PANK2: variants seen among roughly 807,000 people sequenced by gnomAD.
The protein encoded by PANK2 is pantothenate kinase 2.
A neutral mutation model predicts 43.1 loss-of-function variants in PANK2; 36 were observed. The observed-to-expected ratio is 0.84, with a 90% CI of 0.64 to 1.10. The LOEUF (loss-of-function observed/expected upper bound fraction) is 1.10, where lower values mean the gene tolerates loss of function less well. PANK2 is among the 50% of genes least tolerant of loss of function. The pLI is 0.00. For missense variants in PANK2, 576 were observed against 593.3 expected, an observed-to-expected ratio of 0.97 and a Z score of 0.30; for synonymous variants, 281 against 238.2, an observed-to-expected ratio of 1.18 and a Z score of -1.66.
chr20:3,897,992 G>A (rs2090237369), intron 1 of PANK2, among the ~76,000 whole-genome samples: 1 of 149,358 alleles, frequency 6.7e-6, no homozygotes, highest in Admixed American at 6.7e-5. Context: ...GCAACAGAGC[G>A]AGACTCCATC....
At position 3,908,218 on chromosome 20, in the gene PANK2, C is replaced by T; in HGVS notation, c.591C>T (p.Leu197=). The T allele has an allele frequency of 6.2e-7, 1 of 1,613,446 alleles. No individual in the cohort carries two copies. The highest frequency in any genetic ancestry group is 1.1e-5 in the South Asian group (1 of 91,080). Residue 197 remains leucine (L), a synonymous_variant, in exon 2 of 7, where the codon CTC becomes CTT. Coordinates refer to ENST00000610179, the MANE Select transcript of PANK2 (RefSeq NM_001386393.1). ...GCAGAGATAAAAACTTCTCGAGTCT[C>T]CACACTGTCTTTTGTGCCACTGGAG...
At chr20:3,896,649 A>G (rs1243078824) in intron 1 of PANK2, among the ~76,000 whole-genome samples, 1 of 151,982 alleles carries the variant, frequency 6.6e-6, no homozygotes, top group Non-Finnish European at 1.5e-5. Context: ...GTGGACAGTG[A>G]TTTAATCAAT....
intron 1 of PANK2, among the ~76,000 whole-genome samples, chr20:3,893,537 C>T (rs1482649932): frequency 6.6e-6 from 1 of 151,960 alleles, no homozygotes; most frequent in Non-Finnish European, 1.5e-5. Flanking sequence ...GTGTGGAAGC[C>T]CTGTGATCAG....
Position 3,916,914 on chromosome 20 carries a change from T to C in PANK2, c.1083-13T>C, listed in dbSNP as rs750671044. On this transcript the variant is annotated splice_polypyrimidine_tract_variant and intron_variant, in intron 4 of 6. Transcript: ENST00000610179. ...GTTGGTTTAGCAATGGGATTTTTTT[T>C]CCCCCATCACAGCTTTGGAAACATG... 2.2e-5 allele frequency: 35 copies of C among 1,609,550 alleles called. No homozygotes were observed. Among genetic ancestry groups the C allele is most frequent in the East Asian group, 6.7e-5 (3 of 44,876 alleles).
intron 5 of PANK2, among the ~76,000 whole-genome samples, chr20:3,917,278 A>AG (rs950021760): frequency 6.6e-6 from 1 of 151,758 alleles, no homozygotes; most frequent in African/African-American, 2.4e-5. Context: ...TCTTTTGAGG[A>AG]GAAAGTAGAG....
At chr20:3,917,990 C>T (rs2090589268) in intron 5 of PANK2, among the ~76,000 whole-genome samples, 1 of 152,160 alleles carries the variant, frequency 6.6e-6, no homozygotes, top group African/African-American at 2.4e-5. Context: ...GTTGCTTGCT[C>T]ATAACTCGGC....
chr20:3,908,366 C>T, intron 2 of PANK2, 88 bp downstream of exon 2: 1 of 1,218,834 alleles, frequency 8.2e-7, no homozygotes, highest in East Asian at 2.5e-5. Flanking sequence ...ATTTCCATCT[C>T]TAATGGAACT....
At chr20:3,916,504 T>A (rs2090562160) in intron 4 of PANK2, among the ~76,000 whole-genome samples, 1 of 152,206 alleles carries the variant, frequency 6.6e-6, no homozygotes, top group South Asian at 2.1e-4. Context: ...CTCAGCTGTC[T>A]GTGCTTTACT....
chr20:3,888,966 C>G, upstream of PANK2: 26 of 698,744 alleles, frequency 3.7e-5, no homozygotes, highest in Admixed American at 1.2e-4. Flanking sequence ...TGCGGGAGCA[C>G]TGCTGGGCTG....
At chr20:3,913,299 C>G (rs1230270333) in intron 4 of PANK2, among the ~76,000 whole-genome samples, 1 of 152,176 alleles carries the variant, frequency 6.6e-6, no homozygotes, top group African/African-American at 2.4e-5. Context: ...TTCAAACATT[C>G]ACATTACAGT....
intron 4 of PANK2, among the ~76,000 whole-genome samples, chr20:3,914,011 G>A (rs550662941): frequency 6.0e-5 from 9 of 151,196 alleles, no homozygotes; most frequent in East Asian, 2.0e-4. Context: ...GGATGGTCTC[G>A]ATCTGCTGAC....
rs1354328673 is a variant in PANK2 at position 3,925,479 on chromosome 20, C to G, written c.*2185C>G. 1 of 152,352 alleles carries G rather than the reference C, an allele frequency of 6.6e-6. No homozygotes were observed. The highest frequency in any genetic ancestry group is 2.4e-5 in the African/African-American group (1 of 41,462). The allele number at this position is 152,352 out of a possible 1,614,324, so 9.4% of individuals were successfully genotyped here. A position where few individuals can be genotyped will look rare whatever the true frequency, so the allele number is the denominator to read the frequency against. On this transcript the variant is annotated 3_prime_UTR_variant, in exon 7 of 7. Coordinates refer to ENST00000610179, the MANE Select transcript of PANK2 (RefSeq NM_001386393.1). ...GAACTCCAGACCCCAGGTGATCCGC[C>G]TGCCTTGGCCTCCCAAAGTGCTGGG...
At chr20:3,914,599 G>C (rs1438122856) in intron 4 of PANK2, among the ~76,000 whole-genome samples, 1 of 148,340 alleles carries the variant, frequency 6.7e-6, no homozygotes. Context: ...ACTCCTGGCT[G>C]AACATTTTTT....
intron 1 of PANK2, among the ~76,000 whole-genome samples, chr20:3,906,144 G>C (rs1269780832): frequency 6.6e-6 from 1 of 152,098 alleles, no homozygotes; most frequent in Admixed American, 6.6e-5. Flanking sequence ...TGTAAATCAG[G>C]CTGGGCGCAG....
intron 1 of PANK2, among the ~76,000 whole-genome samples, chr20:3,899,119 C>T (rs2090257381): frequency 1.3e-5 from 2 of 151,454 alleles, no homozygotes. Context: ...CGTGATCCAC[C>T]TGCCTCGGCC....
chr20:3,894,213 G>A (rs1209626706), intron 1 of PANK2, among the ~76,000 whole-genome samples: 2 of 151,328 alleles, frequency 1.3e-5, no homozygotes, highest in African/African-American at 2.4e-5. Context: ...TTACAGGTGT[G>A]AGCCACCGTG....
Position 3,923,404 on chromosome 20 carries a change from G to A in PANK2, c.*110G>A, listed in dbSNP as rs1409025295. Reference sequence around the variant, plus strand: ...GACTGTACTACCTGAAACAAAGTGAGAAAGGACAGGTGTATTTTTCTAAGT... The same window carrying A: ...GACTGTACTACCTGAAACAAAGTGAAAAAGGACAGGTGTATTTTTCTAAGT... On this transcript the variant is annotated 3_prime_UTR_variant, in exon 7 of 7. Coordinates refer to ENST00000610179, the MANE Select transcript of PANK2 (RefSeq NM_001386393.1). 8.8e-7 allele frequency: 1 copy of A among 1,140,486 alleles called. No homozygotes were observed. The highest frequency in any genetic ancestry group is 1.3e-6 in the Non-Finnish European group (1 of 756,132). The allele number at this position is 1,140,486 out of a possible 1,614,324, so 70.6% of individuals were successfully genotyped here.
chr20:3,910,295 G>GTTT (rs11441747), intron 2 of PANK2, among the ~76,000 whole-genome samples: 121 of 143,912 alleles, frequency 8.4e-4, no homozygotes, highest in East Asian at 1.8e-3. Flanking sequence ...AAATGCTGTG[G>GTTT]TTTTTTTTTT....
intron 1 of PANK2, among the ~76,000 whole-genome samples, chr20:3,895,846 G>A (rs6037684): frequency 1.7e-4 from 26 of 152,084 alleles, no homozygotes; most frequent in African/African-American, 5.3e-4. Flanking sequence ...CTGATTTTAC[G>A]GTATGTGGTC....
Sources: gnomAD v4.1 joint callset for allele counts (sites outside exome capture counted in the v4.1 genomes callset) on GRCh38, gnomAD v4.1.1 for gene constraint, MANE v1.5 for transcripts, NCBI Gene and HGNC (gene_info 2026-07-23, HGNC 2026-07-21) for gene names.